Variants in CSMD3 observed in about 807,000 individuals in gnomAD.
The protein encoded by CSMD3 is CUB and Sushi multiple domains 3.
A neutral mutation model predicts 435.2 loss-of-function variants in CSMD3; 177 were observed. That is an observed-to-expected ratio of 0.41 (90% CI 0.36 to 0.46). The LOEUF is 0.46. Ranked by LOEUF, CSMD3 falls within the 20% of genes least tolerant of loss-of-function variation. The pLI is 0.34. For synonymous variants in CSMD3, 1,656 were observed against 1,520.5 expected, an observed-to-expected ratio of 1.09 and a Z score of -2.07; for missense variants, 4,265 against 4,504.6, an observed-to-expected ratio of 0.95 and a Z score of 1.52.
At chr8:113,430,268 G>A (rs776362377) in intron 1 of CSMD3, among the ~76,000 whole-genome samples, 1 of 152,194 alleles carries the variant, frequency 6.6e-6, no homozygotes, top group Admixed American at 6.5e-5. Flanking sequence ...CTTTGCATGT[G>A]CATGTTTATT....
chr8:112,658,846 T>G (rs182982511), intron 17 of CSMD3, among the ~76,000 whole-genome samples: 69 of 152,066 alleles, frequency 4.5e-4, no homozygotes, highest in African/African-American at 1.5e-3. Context: ...TCCTAGCTAC[T>G]CGGGAGGCTG....
At chr8:113,366,618 C>T (rs1215902571) in intron 1 of CSMD3, among the ~76,000 whole-genome samples, 1 of 151,992 alleles carries the variant, frequency 6.6e-6, no homozygotes, top group African/African-American at 2.4e-5. Context: ...TCGTTTTATG[C>T]ATATTTGAAT....
intron 22 of CSMD3, among the ~76,000 whole-genome samples, chr8:112,614,554 A>G (rs1833519690): frequency 6.6e-6 from 1 of 152,092 alleles, no homozygotes; most frequent in Admixed American, 6.6e-5. Context: ...CAAAACACAA[A>G]TATATATACA....
At chr8:112,481,447 T>C (rs1301326317) in intron 31 of CSMD3, among the ~76,000 whole-genome samples, 1 of 152,194 alleles carries the variant, frequency 6.6e-6, no homozygotes, top group Non-Finnish European at 1.5e-5. Context: ...TTATATAATG[T>C]ATAAATTATT....
chr8:112,246,588 C>T (rs1171427698), intron 64 of CSMD3, among the ~76,000 whole-genome samples: 2 of 152,128 alleles, frequency 1.3e-5, no homozygotes, highest in Non-Finnish European at 2.9e-5. Context: ...TGGCCAAGTG[C>T]CCATGAATAT....
intron 22 of CSMD3, among the ~76,000 whole-genome samples, chr8:112,614,132 T>C (rs897181076): frequency 6.6e-6 from 1 of 152,060 alleles, no homozygotes; most frequent in Non-Finnish European, 1.5e-5. Flanking sequence ...TATGAAGATA[T>C]TTGGGAAAAA....
At chr8:112,304,945 A>C (rs1300056699) in intron 51 of CSMD3, 30 bp from the exon 52 acceptor site, 1 of 1,526,346 alleles carries the variant, frequency 6.6e-7, no homozygotes, top group South Asian at 1.1e-5. Flanking sequence ...TGTAATTGCT[A>C]ACAAATCACT....
intron 17 of CSMD3, among the ~76,000 whole-genome samples, chr8:112,663,803 G>T (rs1231875481): frequency 6.6e-6 from 1 of 152,106 alleles, no homozygotes; most frequent in Admixed American, 6.6e-5. Flanking sequence ...CCTGCATTAT[G>T]GTTTTCATGA....
intron 11 of CSMD3, among the ~76,000 whole-genome samples, chr8:112,850,502 T>C (rs1461461175): frequency 6.6e-6 from 1 of 152,206 alleles, no homozygotes; most frequent in African/African-American, 2.4e-5. Context: ...CACATGAATG[T>C]TGGTTGATAT....
chr8:112,975,711 A>T (rs2084819626), intron 7 of CSMD3, 126 bp downstream of exon 7: 1 of 1,427,420 alleles, frequency 7.0e-7, no homozygotes. Context: ...TTTTTCAGCT[A>T]CTTTGAACTT....
chr8:112,856,849 G>T (rs977267512), intron 11 of CSMD3, among the ~76,000 whole-genome samples: 5 of 151,726 alleles, frequency 3.3e-5, no homozygotes, highest in African/African-American at 1.2e-4. Context: ...TAGTATAGCT[G>T]TATGCTTATT....
intron 6 of CSMD3, among the ~76,000 whole-genome samples, chr8:113,006,540 C>T (rs2086064404): frequency 6.6e-6 from 1 of 151,816 alleles, no homozygotes; most frequent in Non-Finnish European, 1.5e-5. Flanking sequence ...GACTGGTGTC[C>T]ATGTCTGAAA....
intron 23 of CSMD3, among the ~76,000 whole-genome samples, chr8:112,584,079 A>G (rs975495699): frequency 1.3e-5 from 2 of 151,792 alleles, no homozygotes; most frequent in Admixed American, 1.3e-4. Flanking sequence ...AAAGTTAATG[A>G]CTCAAAATTA....
chr8:112,800,361 C>G (rs1011407228), intron 12 of CSMD3, 87 bp from the exon 13 acceptor site: 7 of 907,330 alleles, frequency 7.7e-6, no homozygotes, highest in African/African-American at 3.2e-5. Flanking sequence ...TTTCTCAATA[C>G]TTTCTTTGCT....
intron 3 of CSMD3, among the ~76,000 whole-genome samples, chr8:113,241,887 T>C (rs1237578040): frequency 6.6e-6 from 1 of 151,592 alleles, no homozygotes; most frequent in African/African-American, 2.4e-5. Flanking sequence ...CCATGATAGG[T>C]CCTGATGTGC....
intron 2 of CSMD3, among the ~76,000 whole-genome samples, chr8:113,308,165 A>T (rs1046890350): frequency 1.3e-4 from 18 of 142,976 alleles, no homozygotes; most frequent in Admixed American, 4.2e-4. Flanking sequence ...ATATTTTGTG[A>T]TTTTTCTTAA....
intron 6 of CSMD3, among the ~76,000 whole-genome samples, chr8:113,011,655 A>C (rs1252822642): frequency 6.6e-6 from 1 of 151,796 alleles, no homozygotes; most frequent in East Asian, 1.9e-4. Context: ...TTAGATTTTA[A>C]ATTAAATTAA....
chr8:112,896,569 AT>A (rs869207467), intron 10 of CSMD3, among the ~76,000 whole-genome samples: 34 of 52,516 alleles, frequency 6.5e-4, no homozygotes, highest in Non-Finnish European at 9.3e-4. Context: ...AATCTTATAG[AT>A]TCTTTTCCTA....
At chr8:112,351,272 T>A (rs2131055423) in intron 39 of CSMD3, 28 bp from the exon 40 acceptor site, 1 of 1,469,976 alleles carries the variant, frequency 6.8e-7, no homozygotes. Context: ...TGTGGTTCAG[T>A]ACACATACAT....
Sources: gnomAD v4.1 joint callset for allele counts (sites outside exome capture counted in the v4.1 genomes callset) on GRCh38, gnomAD v4.1.1 for gene constraint, MANE v1.5 for transcripts, NCBI Gene and HGNC (gene_info 2026-07-23, HGNC 2026-07-21) for gene names.